Variants in HCN2 observed in about 807,000 individuals in gnomAD.
HCN2 encodes hyperpolarization activated cyclic nucleotide gated potassium and sodium channel 2, also known as potassium/sodium hyperpolarization-activated cyclic nucleotide-gated channel 2.
In HCN2, 20 loss-of-function variants were observed where a neutral mutation model predicts 52.3. The observed-to-expected ratio is 0.38, with a 90% CI of 0.27 to 0.56. The LOEUF (loss-of-function observed/expected upper bound fraction) is 0.56, where lower values mean the gene tolerates loss of function less well. HCN2 is among the 20% of genes least tolerant of loss of function. The pLI is 0.71. For missense variants in HCN2, 981 were observed against 1,207.7 expected, an observed-to-expected ratio of 0.81 and a Z score of 2.78; for synonymous variants, 694 against 537.0, an observed-to-expected ratio of 1.29 and a Z score of -4.04.
In HCN2 at chr19:590,447, G is replaced by C. The variant is rs924092284; in HGVS notation, c.502G>C (p.Gly168Arg). The change falls in exon 1 of 8, where the codon GGC becomes CGC. Residue 168 changes from glycine to arginine, a missense_variant. Transcript: ENST00000251287. This position sits in a 1 kb window ranked among gnomAD's most constrained non-coding sequence, Gnocchi z 7.2. ...GGCCAGCTTCATGCAGCGCCAGTTC[G>C]GCGCGCTCCTGCAGCCGGGCGTCAA... ...SQASFMQRQFGALLQPGVNKF... is the reference protein window; with the variant it reads ...SQASFMQRQFRALLQPGVNKF... 5 of 1,503,324 alleles carry C rather than the reference G, an allele frequency of 3.3e-6. No homozygotes were observed. In the Admixed American group the frequency reaches 5.8e-5, roughly 17 times the overall value. 93.1% of individuals were successfully genotyped at this position (1,503,324 alleles called of 1,614,324 possible).
chr19:613,369 A>G lies in HCN2; in HGVS notation c.1706A>G (p.Asp569Gly), dbSNP rs749273022. ...AAGTTCGAGGTCTTCCAGCCGGGTG[A>G]CTACATCATCCGCGAAGGCACCATC... ...KLKFEVFQPG[D>G]YIIREGTIGK... Residue 569 changes from aspartate (D) to glycine (G), a missense_variant, in exon 6 of 8, where the codon GAC becomes GGC. Asp to Gly is a moderately conservative substitution (Grantham distance 94). Transcript: ENST00000251287. 1 of 1,612,984 alleles carries G rather than the reference A, an allele frequency of 6.2e-7. No homozygotes were observed. The highest frequency in any genetic ancestry group is 8.5e-7 in the Non-Finnish European group (1 of 1,179,872).
In HCN2 at chr19:616,024, G is replaced by A. The variant is rs765394313; in HGVS notation, c.2220G>A (p.Pro740=). ...AGGCGGCGGCCATGAGCTTCTGCCCGCAGGTGGCGCGGCCGCTCGTGGGGC... is the reference window on the plus strand; with the variant it reads ...AGGCGGCGGCCATGAGCTTCTGCCCACAGGTGGCGCGGCCGCTCGTGGGGC... The part of the protein sequence containing the change: ...LQQAAAMSFC[P]QVARPLVGPL... Residue 740 remains proline (P), a synonymous_variant, in exon 8 of 8, where the codon CCG becomes CCA. Transcript: ENST00000251287. 1.8e-5 allele frequency: 24 copies of A among 1,356,206 alleles called. 1 individual carries two copies. Among genetic ancestry groups the A allele is most frequent in the Non-Finnish European group, 2.1e-5 (22 of 1,060,450 alleles). The allele number at this position is 1,356,206 out of a possible 1,614,324, so 84.0% of individuals were successfully genotyped here. A position where few individuals can be genotyped will look rare whatever the true frequency, so the allele number is the denominator to read the frequency against.
At chr19:594,473 C>T (rs1048674854) in intron 1 of HCN2, among the ~76,000 whole-genome samples, 16 of 152,182 alleles carry the variant, frequency 1.1e-4, no homozygotes, top group African/African-American at 2.7e-4. Context: ...GGGAGACAGA[C>T]GAGATGCTCC....
intron 1 of HCN2, among the ~76,000 whole-genome samples, chr19:601,402 C>T (rs901042872): frequency 7.9e-5 from 12 of 152,342 alleles, no homozygotes; most frequent in African/African-American, 9.6e-5. Context: ...CACTCCTTTT[C>T]GTGGCTGAGT....
chr19:612,427 T>TGTGTGTGTGTGTGA lies in HCN2; in HGVS notation c.1585-820_1585-819insTGTGTGTGTGTGAG. 5.6e-3 allele frequency among the ~76,000 whole-genome samples: 793 copies of TGTGTGTGTGTGTGA among 142,328 alleles called. 8 individuals are homozygous for TGTGTGTGTGTGTGA. Among genetic ancestry groups the TGTGTGTGTGTGTGA allele is most frequent in the Non-Finnish European group, 8.5e-3 (552 of 65,264 alleles). 93.4% of individuals were successfully genotyped at this position (142,328 alleles called of 152,430 possible). A position where few individuals can be genotyped will look rare whatever the true frequency, so the allele number is the denominator to read the frequency against. On this transcript the variant is annotated intron_variant, in intron 5 of 7. Transcript: ENST00000251287. ...GTGTGTGTGTGTGTGTGTGTGTGTG[T>TGTGTGTGTGTGTGA]GAGAGAGAGATGGAGTCTCGCTCTG... is the stretch of plus-strand genomic sequence containing the variant.
chr19:594,329 G>A (rs1181161362), intron 1 of HCN2, among the ~76,000 whole-genome samples: 1 of 152,176 alleles, frequency 6.6e-6, no homozygotes, highest in East Asian at 1.9e-4. Context: ...GTGGAGAGAG[G>A]CTGGCGGCTT....
At chr19:595,397 A>G (rs1600517297) in intron 1 of HCN2, among the ~76,000 whole-genome samples, 1 of 151,732 alleles carries the variant, frequency 6.6e-6, no homozygotes, top group East Asian at 1.9e-4. Context: ...GCCTCTCCAG[A>G]CATCGGTCCT....
At position 616,476 on chromosome 19, in the gene HCN2, C is replaced by G. The variant is rs963493143; in HGVS notation, c.*2C>G. 146 of 1,221,622 alleles carry G rather than the reference C, an allele frequency of 1.2e-4. No individual in the cohort carries two copies. Among genetic ancestry groups the G allele is most frequent in the Non-Finnish European group, 1.5e-4 (145 of 978,878 alleles). The allele number at this position is 1,221,622 out of a possible 1,614,324, so 75.7% of individuals were successfully genotyped here. A position where few individuals can be genotyped will look rare whatever the true frequency, so the allele number is the denominator to read the frequency against. ...TCGCGCCTCTCGTCCAACTTGTGAC[C>G]CTCGCCGACCGCCCCGCGGGCCCAG... is the stretch of plus-strand genomic sequence containing the variant. On this transcript the variant is annotated 3_prime_UTR_variant, in exon 8 of 8. Coordinates refer to ENST00000251287, the MANE Select transcript of HCN2 (RefSeq NM_001194.4).
chr19:592,488 G>T lies in HCN2; in HGVS notation c.632+1911G>T, dbSNP rs1161712195. On this transcript the variant is annotated intron_variant, in intron 1 of 7. Coordinates refer to ENST00000251287, the MANE Select transcript of HCN2 (RefSeq NM_001194.4). This position sits in a 1 kb window ranked among gnomAD's most constrained non-coding sequence, Gnocchi z 4.8. ...CGCCTGGAGGCCTGGGCAGGCTGTG[G>T]CCCCGCTCTGTGCTCTGAGGCATAG... Among the ~76,000 whole-genome samples, 1 of 152,134 alleles carries T rather than the reference G, an allele frequency of 6.6e-6. No individual in the cohort carries two copies. The highest frequency in any genetic ancestry group is 1.5e-5 in the Non-Finnish European group (1 of 68,000).
intron 4 of HCN2, among the ~76,000 whole-genome samples, chr19:609,136 C>T (rs1024543039): frequency 8.5e-5 from 13 of 152,190 alleles, no homozygotes; most frequent in Non-Finnish European, 5.9e-5. Context: ...CCGGAAGCCA[C>T]GGGCCTCACA....
Position 617,149 on chromosome 19 carries a change from A to G in HCN2, c.*675A>G. On this transcript the variant is annotated 3_prime_UTR_variant, in exon 8 of 8. Coordinates refer to ENST00000251287, the MANE Select transcript of HCN2 (RefSeq NM_001194.4). ...CCCATTCCGCGCAATAAACGACAGCATTGGCGCCAAGCCTGGCCGCGTGTG... is the reference window on the plus strand; with the variant it reads ...CCCATTCCGCGCAATAAACGACAGCGTTGGCGCCAAGCCTGGCCGCGTGTG... 1 of 725,784 alleles carries G rather than the reference A, an allele frequency of 1.4e-6. No individual in the cohort carries two copies. The highest frequency in any genetic ancestry group is 1.9e-5 in the African/African-American group (1 of 53,708). The allele number at this position is 725,784 out of a possible 1,614,324, so 45.0% of individuals were successfully genotyped here.
At position 616,217 on chromosome 19, in the gene HCN2, G is replaced by A; in HGVS notation, c.2413G>A (p.Gly805Arg). 7 of 987,196 alleles carry A rather than the reference G, an allele frequency of 7.1e-6. No individual in the cohort carries two copies. The highest frequency in any genetic ancestry group is 7.2e-6 in the Non-Finnish European group (6 of 833,256). The allele number at this position is 987,196 out of a possible 1,614,324, so 61.2% of individuals were successfully genotyped here. A position where few individuals can be genotyped will look rare whatever the true frequency, so the allele number is the denominator to read the frequency against. ...YGGLPAAPLA[G>R]PALPARRLSR... Reference sequence around the variant, plus strand: ...CGGCCTGCCCGCCGCCCCCCTTGCTGGGCCCGCCCTGCCCGCGCGCCGCCT... The same window carrying A: ...CGGCCTGCCCGCCGCCCCCCTTGCTAGGCCCGCCCTGCCCGCGCGCCGCCT... Residue 805 changes from glycine (G) to arginine (R), a missense_variant, in exon 8 of 8, where the codon GGG (glycine) becomes AGG (arginine). Coordinates refer to ENST00000251287, the MANE Select transcript of HCN2 (RefSeq NM_001194.4).
rs755029604 is a variant in HCN2, at chr19:608,077, C to T, written c.1332C>T (p.Thr444=). ...APESMTDIWL[T]MLSMIVGATC... Reference sequence around the variant, plus strand: ...AGAGCATGACGGACATCTGGCTGACCATGCTCAGCATGATTGTGGGTGCCA... The same window carrying T: ...AGAGCATGACGGACATCTGGCTGACTATGCTCAGCATGATTGTGGGTGCCA... Residue 444 remains threonine (T), a synonymous_variant, in exon 4 of 8, where the codon ACC becomes ACT. Coordinates refer to ENST00000251287, the MANE Select transcript of HCN2 (RefSeq NM_001194.4). 2.5e-6 allele frequency: 4 copies of T among 1,613,116 alleles called. No homozygotes were observed. The highest frequency in any genetic ancestry group is 3.4e-6 in the Non-Finnish European group (4 of 1,180,030).
At chr19:594,736 G>A (rs115100933) in intron 1 of HCN2, among the ~76,000 whole-genome samples, 1,634 of 152,278 alleles carry the variant, frequency 0.011, 29 homozygotes, top group African/African-American at 0.038. Flanking sequence ...GGGTTTGTCT[G>A]GCTCTGGTCA....
chr19:613,491 G>A lies in HCN2; in HGVS notation c.1825+3G>A, dbSNP rs55812706. 59,976 of 1,594,414 alleles carry A rather than the reference G, an allele frequency of 0.038. 1,423 individuals are homozygous for A. The highest frequency in any genetic ancestry group is 0.043 in the Non-Finnish European group (50,232 of 1,167,514). On this transcript the variant is annotated splice_donor_region_variant and intron_variant, in intron 6 of 7. Transcript: ENST00000251287. ...GTCCGATGGCTCCTACTTCGGGGGT[G>A]AGCTTGAGGGGGGCGCGCCTGGAGG...
chr19:614,530 G>A (rs528899991), intron 7 of HCN2, among the ~76,000 whole-genome samples: 1 of 152,304 alleles, frequency 6.6e-6, no homozygotes, highest in African/African-American at 2.4e-5. Context: ...GGGATGCCAT[G>A]TGGAAACGGG....
At chr19:608,393 C>T (rs963375086) in intron 4 of HCN2, among the ~76,000 whole-genome samples, 2 of 126,946 alleles carry the variant, frequency 1.6e-5, no homozygotes, top group East Asian at 2.2e-4. Context: ...GGCCCGGCCC[C>T]GGGGTCTGAG....
intron 1 of HCN2, among the ~76,000 whole-genome samples, chr19:594,846 G>A (rs553839078): frequency 6.6e-6 from 1 of 152,082 alleles, no homozygotes; most frequent in African/African-American, 2.4e-5. Flanking sequence ...GGGGTCAGGG[G>A]TCGGGGTGGC....
rs753849575 is a variant in HCN2, at chr19:613,508, G to A, written c.1825+20G>A. On this transcript the variant is annotated intron_variant, in intron 6 of 7. Transcript: ENST00000251287. Reference sequence around the variant, plus strand: ...TCGGGGGTGAGCTTGAGGGGGGCGCGCCTGGAGGGGGAGGGGGCACGCGAC... The same window carrying A: ...TCGGGGGTGAGCTTGAGGGGGGCGCACCTGGAGGGGGAGGGGGCACGCGAC... 13 of 1,039,930 alleles carry A rather than the reference G, an allele frequency of 1.3e-5. 1 individual carries two copies. Among genetic ancestry groups the A allele is most frequent in the South Asian group, 5.2e-5 (4 of 76,894 alleles). The allele number at this position is 1,039,930 out of a possible 1,614,324, so 64.4% of individuals were successfully genotyped here.
Sources: allele counts gnomAD v4.1 joint callset (sites outside exome capture counted in the v4.1 genomes callset), GRCh38; gene constraint gnomAD v4.1.1; non-coding constraint Gnocchi (gnomAD v3.1); transcripts MANE v1.5; gene names NCBI Gene and HGNC (gene_info 2026-07-23, HGNC 2026-07-21).